The following ADCY5 variants were observed in gnomAD, a reference collection of about 807,000 sequenced individuals.
ADCY5 encodes the protein adenylate cyclase 5.
ADCY5 carries 30 observed loss-of-function variants against 119.7 expected under a neutral mutation model. The ratio of observed to expected loss-of-function variants is 0.25; its 90% CI spans 0.19 to 0.34. The LOEUF (loss-of-function observed/expected upper bound fraction) is 0.34. Ranked by LOEUF, ADCY5 falls within the 10% of genes least tolerant of loss-of-function variation. ADCY5 has a pLI of 1.00. For missense variants in ADCY5, 1,324 were observed against 1,775.2 expected (o/e 0.75, Z 4.57); for synonymous variants, 753 against 762.2 (o/e 0.99, Z 0.20).
intron 1 of ADCY5, among the ~76,000 whole-genome samples, chr3:123,445,246 G>C (rs1945792271): frequency 6.6e-6 from 1 of 152,228 alleles, no homozygotes; most frequent in Non-Finnish European, 1.5e-5. Flanking sequence ...GGGAGAGAAG[G>C]GAGAGGGATT....
chr3:123,432,577 C>A (rs987225239), intron 1 of ADCY5, among the ~76,000 whole-genome samples: 2 of 152,164 alleles, frequency 1.3e-5, no homozygotes, highest in African/African-American at 2.4e-5. Context: ...CGTGCCCAGG[C>A]TGGAGTGCAG....
chr3:123,325,921 C>G (rs748195478), intron 7 of ADCY5, among the ~76,000 whole-genome samples: 1 of 152,230 alleles, frequency 6.6e-6, no homozygotes, highest in Non-Finnish European at 1.5e-5. Context: ...GAGCTTGGGT[C>G]TCCCAGGCAG....
intron 3 of ADCY5, among the ~76,000 whole-genome samples, chr3:123,333,159 TAAG>T (rs1941850025): frequency 6.6e-6 from 1 of 152,196 alleles, no homozygotes; most frequent in Admixed American, 6.5e-5. Context: ...AGTGCCCTTA[TAAG>T]AAGAGACAAG....
intron 1 of ADCY5, among the ~76,000 whole-genome samples, chr3:123,391,148 C>T (rs1944390423): frequency 6.6e-6 from 1 of 152,192 alleles, no homozygotes; most frequent in Non-Finnish European, 1.5e-5. Context: ...TAAGGATATA[C>T]AGGGCATGCT....
intron 1 of ADCY5, among the ~76,000 whole-genome samples, chr3:123,443,384 TCTC>T (rs1197686641): frequency 1.3e-5 from 2 of 151,930 alleles, no homozygotes; most frequent in Non-Finnish European, 2.9e-5. Flanking sequence ...GCTGCCATGA[TCTC>T]CTTTCAAAGT....
intron 1 of ADCY5, among the ~76,000 whole-genome samples, chr3:123,423,393 T>C (rs1232268669): frequency 1.3e-5 from 2 of 152,176 alleles, no homozygotes; most frequent in Non-Finnish European, 2.9e-5. Context: ...GTTTCTCTTT[T>C]TCCCGCATCC....
Position 123,318,058 on chromosome 3 carries a change from G to C in ADCY5, c.2316C>G (p.Phe772Leu). The change falls in exon 11 of 21, where the codon TTC becomes TTG. Residue 772 changes from phenylalanine (F) to leucine (L), a missense_variant. Phe to Leu is a conservative substitution (Grantham distance 22). Around this residue, in one of 6 missense-constraint regions of ADCY5, gnomAD observed 424 missense variants for 546.8 expected, o/e 0.78. Transcript: ENST00000462833. ...GAYVACASLVFLFICFVQITI... is the reference protein window; with the variant it reads ...GAYVACASLVLLFICFVQITI... Reference sequence around the variant, plus strand: ...TGATCTGGACAAAGCAGATGAAGAGGAAGACGAGCGAGGCACACGCCACAT... The same window carrying C: ...TGATCTGGACAAAGCAGATGAAGAGCAAGACGAGCGAGGCACACGCCACAT... 6.2e-7 allele frequency: 1 copy of C among 1,613,952 alleles called. No individual in the cohort carries two copies. Among genetic ancestry groups the C allele is most frequent in the South Asian group, 1.1e-5 (1 of 91,078 alleles).
At chr3:123,446,014 G>C (rs751645424) in intron 1 of ADCY5, among the ~76,000 whole-genome samples, 3 of 152,190 alleles carry the variant, frequency 2.0e-5, no homozygotes, top group Non-Finnish European at 2.9e-5. Flanking sequence ...TCCTTGCAGG[G>C]GTACAGCTTG....
chr3:123,434,552 A>T (rs1945575175), intron 1 of ADCY5, among the ~76,000 whole-genome samples: 1 of 152,220 alleles, frequency 6.6e-6, no homozygotes, highest in Non-Finnish European at 1.5e-5. Flanking sequence ...GAAGCAAATG[A>T]GATCACACAT....
chr3:123,324,311 C>T (rs1941363036), intron 8 of ADCY5, among the ~76,000 whole-genome samples: 1 of 152,068 alleles, frequency 6.6e-6, no homozygotes, highest in Non-Finnish European at 1.5e-5. Context: ...CTGATCCCTT[C>T]TGCCACAACC....
intron 1 of ADCY5, among the ~76,000 whole-genome samples, chr3:123,388,224 G>A (rs1249504097): frequency 1.3e-5 from 2 of 152,212 alleles, no homozygotes; most frequent in Non-Finnish European, 2.9e-5. Context: ...GAGAGATGAT[G>A]AAGGTCTAAC....
At chr3:123,346,607 T>TCTCTC (rs1316376575) in intron 3 of ADCY5, among the ~76,000 whole-genome samples, 10 of 128,072 alleles carry the variant, frequency 7.8e-5, no homozygotes, top group Admixed American at 2.3e-4. Context: ...CAGCCTCACC[T>TCTCTC]TCTCTCTCTC....
At chr3:123,313,152 C>A (rs1437633195) in intron 12 of ADCY5, among the ~76,000 whole-genome samples, 2 of 152,214 alleles carry the variant, frequency 1.3e-5, no homozygotes, top group Non-Finnish European at 2.9e-5. Context: ...TGGCTGTCCA[C>A]CTCTGCACCT....
chr3:123,286,622 CCT>C lies in ADCY5; in HGVS notation c.3657+61_3657+62del. ...AACTGTAGGTGGCCTGCCCTGAAGA[CCT>C]CTCGGTGTCAGACACAGGACCTCCC... On this transcript the variant is annotated intron_variant, in intron 20 of 20. Coordinates refer to ENST00000462833, the MANE Select transcript of ADCY5 (RefSeq NM_183357.3). This position sits in a 1 kb window ranked among gnomAD's most constrained non-coding sequence, Gnocchi z 4.2. The C allele has an allele frequency of 6.6e-7, 1 of 1,523,694 alleles. No homozygotes were observed. 94.4% of individuals were successfully genotyped at this position (1,523,694 alleles called of 1,614,324 possible). A position where few individuals can be genotyped will look rare whatever the true frequency, so the allele number is the denominator to read the frequency against.
intron 12 of ADCY5, among the ~76,000 whole-genome samples, chr3:123,310,149 C>CACACACACACAG (rs1031301955): frequency 9.9e-4 from 146 of 147,824 alleles, no homozygotes; most frequent in African/African-American, 3.5e-3. Flanking sequence ...CACACACACA[C>CACACACACACAG]AGCTACGCAG....
intron 14 of ADCY5, 102 bp from the exon 15 acceptor site, chr3:123,300,397 G>A: frequency 7.6e-7 from 1 of 1,314,586 alleles, no homozygotes; most frequent in Non-Finnish European, 1.0e-6. Flanking sequence ...TGAGGCCTGG[G>A]CTGGGCATGT....
At position 123,291,138 on chromosome 3, in the gene ADCY5, T is replaced by C. The variant is rs1388338484; in HGVS notation, c.3302A>G (p.Asn1101Ser). ...CTCATCAAAGTCAGCGATGATCTCA[T>C]TGAGTAGCCGCAGGCACTCGACACC... ...NEGVECLRLL[N>S]EIIADFDEII... The change falls in exon 18 of 21, where the codon AAT becomes AGT. Residue 1101 changes from asparagine to serine, a missense_variant. This residue lies in a region of ADCY5 where 178 missense variants were observed against 329.6 expected (regional missense o/e 0.54). Coordinates refer to ENST00000462833, the MANE Select transcript of ADCY5 (RefSeq NM_183357.3). 2 of 1,613,912 alleles carry C rather than the reference T, an allele frequency of 1.2e-6. No individual in the cohort carries two copies. Among genetic ancestry groups the C allele is most frequent in the East Asian group, 2.2e-5 (1 of 44,876 alleles).
chr3:123,399,058 G>A (rs1944683058), intron 1 of ADCY5, among the ~76,000 whole-genome samples: 1 of 152,158 alleles, frequency 6.6e-6, no homozygotes, highest in Non-Finnish European at 1.5e-5. Context: ...CCCTCCCCAA[G>A]CTTCAGCCCC....
intron 1 of ADCY5, among the ~76,000 whole-genome samples, chr3:123,368,505 G>A (rs1943530506): frequency 6.6e-6 from 1 of 152,218 alleles, no homozygotes; most frequent in African/African-American, 2.4e-5. Flanking sequence ...GCTAAGCCAG[G>A]AGAATTGCTT....
Sources: gnomAD v4.1 joint callset for allele counts (sites outside exome capture counted in the v4.1 genomes callset) on GRCh38, gnomAD v4.1.1 for gene constraint, gnomAD v4.1.1 regional missense constraint, Gnocchi (gnomAD v3.1) non-coding constraint, MANE v1.5 for transcripts, NCBI Gene and HGNC (gene_info 2026-07-23, HGNC 2026-07-21) for gene names.